Variants in RAPGEF5 observed in about 807,000 individuals in gnomAD.
The protein encoded by RAPGEF5 is M-Ras-regulated GEF.
A neutral mutation model predicts 125.2 loss-of-function variants in RAPGEF5; 65 were observed. That is an observed-to-expected ratio of 0.52 (90% CI 0.43 to 0.64). The LOEUF (loss-of-function observed/expected upper bound fraction) is 0.64, where lower values mean the gene tolerates loss of function less well. RAPGEF5 is among the 30% of genes least tolerant of loss of function. RAPGEF5 has a pLI of 0.00. For synonymous variants in RAPGEF5, 391 were observed against 385.9 expected (o/e 1.01, Z -0.16); for missense variants, 958 against 1,048.1 (o/e 0.91, Z 1.19).
intron 11 of RAPGEF5, among the ~76,000 whole-genome samples, chr7:22,173,344 C>A (rs1784407802): frequency 6.6e-6 from 1 of 152,186 alleles, no homozygotes; most frequent in South Asian, 2.1e-4. Flanking sequence ...TCGAACGCAG[C>A]TTTTTACTAC....
At chr7:22,266,020 T>A (rs1200021333) in intron 7 of RAPGEF5, among the ~76,000 whole-genome samples, 8 of 152,170 alleles carry the variant, frequency 5.3e-5, no homozygotes, top group African/African-American at 1.9e-4. Context: ...GAAAGTAATA[T>A]GAATGTAATA....
intron 5 of RAPGEF5, among the ~76,000 whole-genome samples, chr7:22,306,945 GT>G (rs1252526703): frequency 2.6e-5 from 4 of 152,154 alleles, no homozygotes; most frequent in African/African-American, 9.7e-5. Flanking sequence ...TGCTGTTTGG[GT>G]TACTATAGCT....
chr7:22,136,260 G>A, intron 22 of RAPGEF5, 135 bp from the exon 23 acceptor site: 1 of 579,572 alleles, frequency 1.7e-6, no homozygotes, highest in East Asian at 3.0e-5. Context: ...AGTAGATAAA[G>A]GTTTCCTAGG....
At chr7:22,332,852 G>A (rs1783948375) in intron 1 of RAPGEF5, among the ~76,000 whole-genome samples, 1 of 152,178 alleles carries the variant, frequency 6.6e-6, no homozygotes, top group Non-Finnish European at 1.5e-5. Flanking sequence ...GCCTGAGGGA[G>A]CAACCCACTA....
intron 9 of RAPGEF5, among the ~76,000 whole-genome samples, chr7:22,207,724 G>T (rs552954813): frequency 6.6e-6 from 1 of 152,124 alleles, no homozygotes; most frequent in Non-Finnish European, 1.5e-5. Context: ...AGTGAAACAC[G>T]CCAAGGACTA....
chr7:22,312,934 G>A (rs1411836540), intron 3 of RAPGEF5, among the ~76,000 whole-genome samples: 1 of 152,178 alleles, frequency 6.6e-6, no homozygotes, highest in Non-Finnish European at 1.5e-5. Context: ...ACTTAGGGGA[G>A]AGCAGTGAGG....
chr7:22,251,775 CA>C (rs58681076), intron 7 of RAPGEF5, among the ~76,000 whole-genome samples: 29 of 73,348 alleles, frequency 4.0e-4, no homozygotes, highest in South Asian at 1.3e-3. Context: ...GTTTCATTGA[CA>C]AAAAAAAAAA....
intron 7 of RAPGEF5, among the ~76,000 whole-genome samples, chr7:22,257,118 G>A (rs542825972): frequency 2.0e-5 from 3 of 152,056 alleles, no homozygotes; most frequent in South Asian, 2.1e-4. Context: ...ACAGAAATCC[G>A]GCAGGACCAC....
intron 7 of RAPGEF5, among the ~76,000 whole-genome samples, chr7:22,244,230 T>C (rs925187687): frequency 2.0e-5 from 3 of 152,032 alleles, no homozygotes; most frequent in African/African-American, 7.3e-5. Flanking sequence ...ACACACACCA[T>C]ATTTTATTCA....
At chr7:22,269,137 G>A (rs982556102) in intron 6 of RAPGEF5, among the ~76,000 whole-genome samples, 1 of 141,256 alleles carries the variant, frequency 7.1e-6, no homozygotes, top group Non-Finnish European at 1.5e-5. Context: ...GAGGATGTAC[G>A]ATAGCTTCCG....
intron 11 of RAPGEF5, among the ~76,000 whole-genome samples, chr7:22,169,047 C>T (rs1404682271): frequency 6.6e-6 from 1 of 152,178 alleles, no homozygotes; most frequent in Non-Finnish European, 1.5e-5. Flanking sequence ...AATCAGTAGT[C>T]TAACTTACTA....
chr7:22,309,533 T>A (rs1326037718), intron 4 of RAPGEF5, among the ~76,000 whole-genome samples: 1 of 152,224 alleles, frequency 6.6e-6, no homozygotes, highest in Non-Finnish European at 1.5e-5. Context: ...CAGCTAATTT[T>A]CATAGGTCAT....
At chr7:22,193,718 G>C (rs1785074153) in intron 10 of RAPGEF5, 197 bp downstream of exon 10, 2 of 1,553,794 alleles carry the variant, frequency 1.3e-6, no homozygotes, top group African/African-American at 2.7e-5. Context: ...TGCCATCCCT[G>C]TCCTTTCACT....
intron 1 of RAPGEF5, among the ~76,000 whole-genome samples, chr7:22,338,978 T>A (rs1438782991): frequency 6.6e-6 from 1 of 152,220 alleles, no homozygotes; most frequent in African/African-American, 2.4e-5. Context: ...AGAAAAAACC[T>A]GAAGCTGGTG....
rs115921232 is a variant in RAPGEF5 at position 22,262,786 on chromosome 7, G to A, written c.796+4178C>T. Among the ~76,000 whole-genome samples, 891 of 152,276 alleles carry A rather than the reference G, an allele frequency of 5.9e-3. 6 individuals carry two copies. Among genetic ancestry groups the A allele is most frequent in the African/African-American group, 0.021 (855 of 41,564 alleles). On this transcript the variant is annotated intron_variant, in intron 7 of 25. Coordinates refer to ENST00000665637, the MANE Select transcript of RAPGEF5 (RefSeq NM_012294.5). ...GCACTCAGCCTGAGCAACGTAGTGA[G>A]ACCTTGTCTCTACAAAAAATAAACA... is the stretch of plus-strand genomic sequence containing the variant.
chr7:22,257,721 A>G (rs1437122811), intron 7 of RAPGEF5, among the ~76,000 whole-genome samples: 3 of 152,214 alleles, frequency 2.0e-5, no homozygotes, highest in Non-Finnish European at 4.4e-5. Flanking sequence ...ATACAGTAAT[A>G]TATATCTTGT....
At chr7:22,330,540 T>C (rs1007215870) in intron 1 of RAPGEF5, among the ~76,000 whole-genome samples, 1 of 152,268 alleles carries the variant, frequency 6.6e-6, no homozygotes, top group Non-Finnish European at 1.5e-5. Flanking sequence ...CCCAAGTTCC[T>C]GTTCTAAGAA....
At chr7:22,151,584 C>T (rs933114524) in intron 17 of RAPGEF5, among the ~76,000 whole-genome samples, 2 of 151,656 alleles carry the variant, frequency 1.3e-5, no homozygotes, top group African/African-American at 2.4e-5. Flanking sequence ...CCAACCTCAG[C>T]CTCCCGAGTA....
At chr7:22,250,169 G>C (rs1786583123) in intron 7 of RAPGEF5, among the ~76,000 whole-genome samples, 1 of 152,202 alleles carries the variant, frequency 6.6e-6, no homozygotes, top group East Asian at 1.9e-4. Flanking sequence ...ATTGACTCCA[G>C]GGTGAAAATG....
Sources: gnomAD v4.1 joint callset for allele counts (sites outside exome capture counted in the v4.1 genomes callset) on GRCh38, gnomAD v4.1.1 for gene constraint, MANE v1.5 for transcripts, NCBI Gene and HGNC (gene_info 2026-07-23, HGNC 2026-07-21) for gene names.